The following RBBP8NL variants were observed in gnomAD, a reference collection of about 807,000 sequenced individuals.
The protein encoded by RBBP8NL is RBBP8 N-terminal-like protein.
A neutral mutation model predicts 62.2 loss-of-function variants in RBBP8NL; 59 were observed. The ratio of observed to expected loss-of-function variants is 0.95; its 90% CI spans 0.77 to 1.18. The LOEUF is 1.18. RBBP8NL is among the 50% of genes most tolerant of loss of function. The probability of loss-of-function intolerance (pLI) is 0.00; values close to 1 mark genes in which losing one functional copy is unlikely to be tolerated. For missense variants in RBBP8NL, 896 were observed against 899.5 expected (o/e 1.00, Z 0.05); for synonymous variants, 412 against 394.1 (o/e 1.05, Z -0.54).
intron 2 of RBBP8NL, 140 bp from the exon 3 acceptor site, chr20:62,418,605 C>T: frequency 2.3e-6 from 2 of 867,102 alleles, no homozygotes; most frequent in Non-Finnish European, 3.7e-6. Context: ...CCAGGTGAGC[C>T]CCTGTCTGTG....
chr20:62,412,761 G>A lies in RBBP8NL; in HGVS notation c.1747-8C>T. 6.2e-7 allele frequency: 1 copy of A among 1,612,744 alleles called. No homozygotes were observed. The highest frequency in any genetic ancestry group is 8.5e-7 in the Non-Finnish European group (1 of 1,179,988). On this transcript the variant is annotated splice_polypyrimidine_tract_variant and splice_region_variant and intron_variant, in intron 12 of 13. Coordinates refer to ENST00000252998, the MANE Select transcript of RBBP8NL (RefSeq NM_080833.3). ...CTGGGAGCTCAGGCCCACCTGGGGA[G>A]AAGGGGGTGTGGTCACGAGGAGGAC...
chr20:62,426,577 T>C (rs1988813399), intron 1 of RBBP8NL, among the ~76,000 whole-genome samples: 2 of 152,014 alleles, frequency 1.3e-5, no homozygotes, highest in African/African-American at 4.8e-5. Context: ...GGCCTCAGAG[T>C]CTCCTCCCAC....
rs867955029 is a variant in RBBP8NL, at chr20:62,414,425, G to T, written c.926C>A (p.Ala309Asp). The stretch of plus-strand genomic sequence containing the variant: ...GGGGTCGCTGGGGGCTGCAGCAGGG[G>T]CCAGGGGGCTGCTGTGGGGGCTCTG... ...HLQSPHSSPL[A>D]PAAAPSDPRL... Residue 309 changes from alanine to aspartate, a missense_variant, in exon 10 of 14, where the codon GCC becomes GAC. Coordinates refer to ENST00000252998, the MANE Select transcript of RBBP8NL (RefSeq NM_080833.3). The T allele has an allele frequency of 6.6e-7, 1 of 1,524,926 alleles. No individual in the cohort carries two copies. The allele number at this position is 1,524,926 out of a possible 1,614,324, so 94.5% of individuals were successfully genotyped here.
At chr20:62,412,456 C>T (rs993994657) in intron 13 of RBBP8NL, among the ~76,000 whole-genome samples, 168 bp downstream of exon 13, 3 of 152,226 alleles carry the variant, frequency 2.0e-5, no homozygotes, top group Admixed American at 6.5e-5. Context: ...CGGCCACCCT[C>T]GCCCTCCTCT....
chr20:62,414,201 T>C lies in RBBP8NL; in HGVS notation c.1150A>G (p.Met384Val). The C allele has an allele frequency of 6.2e-7, 1 of 1,608,634 alleles. No individual in the cohort carries two copies. Among genetic ancestry groups the C allele is most frequent in the South Asian group, 1.1e-5 (1 of 90,384 alleles). ...RPRGQPTPGE[M>V]LPSLPVGSDS... ...GAGCCGACTGGTAGGGAGGGCAGCATCTCCCCGGGTGTGGGCTGGCCCCTT... is the reference window on the plus strand; with the variant it reads ...GAGCCGACTGGTAGGGAGGGCAGCACCTCCCCGGGTGTGGGCTGGCCCCTT... The change falls in exon 10 of 14, where the codon ATG becomes GTG. Residue 384 changes from methionine (M) to valine (V), a missense_variant. Physicochemically the swap from Met to Val is conservative, Grantham distance 21 (BLOSUM62 1). Coordinates refer to ENST00000252998, the MANE Select transcript of RBBP8NL (RefSeq NM_080833.3).
chr20:62,418,364 G>A lies in RBBP8NL; in HGVS notation c.104+59C>T. On this transcript the variant is annotated intron_variant, in intron 3 of 13. Transcript: ENST00000252998. ...GTAGTGCTGGCACACTGGGGCTTCAGGGGGATGAAGTGGCCAGTGTGGTCC... is the reference window on the plus strand; with the variant it reads ...GTAGTGCTGGCACACTGGGGCTTCAAGGGGATGAAGTGGCCAGTGTGGTCC... The A allele has an allele frequency of 2.7e-6, 4 of 1,464,084 alleles. No homozygotes were observed. In the South Asian group the frequency reaches 3.6e-5, roughly 13 times the overall value. 90.7% of individuals were successfully genotyped at this position (1,464,084 alleles called of 1,614,324 possible).
intron 4 of RBBP8NL, 55 bp from the exon 5 acceptor site, chr20:62,416,927 C>T: frequency 1.5e-6 from 2 of 1,332,666 alleles, no homozygotes; most frequent in South Asian, 2.5e-5. Flanking sequence ...CCACAGAGGG[C>T]CTGGGACACT....
chr20:62,419,879 C>G lies in RBBP8NL; in HGVS notation c.-83-149G>C, dbSNP rs1027939570. On this transcript the variant is annotated intron_variant, in intron 1 of 13. Coordinates refer to ENST00000252998, the MANE Select transcript of RBBP8NL (RefSeq NM_080833.3). ...ACTCATGGGAGGTGGCCTGGAGGCT[C>G]CCGAACCCCACGGGCAGGCACAGAG... 8 of 552,128 alleles carry G rather than the reference C, an allele frequency of 1.4e-5. 2 individuals are homozygous for G. Among genetic ancestry groups the G allele is most frequent in the Admixed American group, 1.0e-4 (3 of 29,798 alleles). 34.2% of individuals were successfully genotyped at this position (552,128 alleles called of 1,614,324 possible). A position where few individuals can be genotyped will look rare whatever the true frequency, so the allele number is the denominator to read the frequency against.
chr20:62,422,759 G>A (rs527423573), intron 1 of RBBP8NL, among the ~76,000 whole-genome samples: 3 of 152,260 alleles, frequency 2.0e-5, no homozygotes, highest in East Asian at 3.9e-4. Context: ...AAGCATTAGT[G>A]CCGAGCCTGG....
At chr20:62,416,701 G>A (rs936357736) in intron 5 of RBBP8NL, 59 bp downstream of exon 5, 38 of 1,223,836 alleles carry the variant, frequency 3.1e-5, no homozygotes, top group Non-Finnish European at 4.5e-5. Flanking sequence ...GGCTGAACAG[G>A]CCTGGGGTCG....
At position 62,414,079 on chromosome 20, in the gene RBBP8NL, G is replaced by A. The variant is rs374862006; in HGVS notation, c.1272C>T (p.Arg424=). ...TGGCTGCAGCCTCTGTCCTCTGGGC[G>A]CGGCCCGGGCCTGCAGGCTGTGTGT... is the stretch of plus-strand genomic sequence containing the variant. ...GRHTQPAGPG[R]AQRTEAAATQ... Residue 424 remains arginine (R), a synonymous_variant, in exon 10 of 14, where the codon CGC becomes CGT. Transcript: ENST00000252998. 79 of 1,592,946 alleles carry A rather than the reference G, an allele frequency of 5.0e-5. No individual in the cohort carries two copies. Among genetic ancestry groups the A allele is most frequent in the Non-Finnish European group, 6.0e-5 (70 of 1,171,840 alleles).
intron 1 of RBBP8NL, among the ~76,000 whole-genome samples, chr20:62,420,940 G>A (rs150019043): frequency 1.6e-3 from 239 of 152,364 alleles, no homozygotes; most frequent in African/African-American, 4.9e-3. Context: ...AGCACTCATC[G>A]TCAAACCCTC....
In RBBP8NL at chr20:62,413,466, G is replaced by A. The variant is rs747694502; in HGVS notation, c.1610C>T (p.Pro537Leu). ...GSTEDEDTGR[P>L]LPPPHPQPPP... ...CGGCTGTGGGTGGGGAGGTGGCAGA[G>A]GCCTCCCTGTGTCTTCATCTTCTGT... The change falls in exon 11 of 14, where the codon CCT becomes CTT. Residue 537 changes from proline to leucine, a missense_variant. Coordinates refer to ENST00000252998, the MANE Select transcript of RBBP8NL (RefSeq NM_080833.3). 2.0e-6 allele frequency: 3 copies of A among 1,481,668 alleles called. No individual in the cohort carries two copies. The highest frequency in any genetic ancestry group is 2.7e-6 in the Non-Finnish European group (3 of 1,120,800). 91.8% of individuals were successfully genotyped at this position (1,481,668 alleles called of 1,614,324 possible).
At chr20:62,419,350 G>C (rs1171556107) in intron 2 of RBBP8NL, among the ~76,000 whole-genome samples, 1 of 152,196 alleles carries the variant, frequency 6.6e-6, no homozygotes, top group Non-Finnish European at 1.5e-5. Context: ...CACACTCTGG[G>C]AGTGGCTCGA....
At chr20:62,416,698 C>G in intron 5 of RBBP8NL, 62 bp downstream of exon 5, 1 of 1,187,752 alleles carries the variant, frequency 8.4e-7, no homozygotes, top group Non-Finnish European at 1.2e-6. Context: ...ATGGGCTGAA[C>G]AGGCCTGGGG....
Position 62,412,843 on chromosome 20 carries a change from G to A in RBBP8NL, c.1733C>T (p.Thr578Ile). ...GCCTGGACCCACCTCGCTGCCTGGG[G>A]TGTCTGTCTCATCCAGTTCGTCGGA... The part of the protein sequence containing the change: ...PESDELDETD[T>I]PGSEVGLSSQ... Residue 578 changes from threonine (T) to isoleucine (I), a missense_variant, in exon 12 of 14, where the codon ACC becomes ATC. Coordinates refer to ENST00000252998, the MANE Select transcript of RBBP8NL (RefSeq NM_080833.3). 6.2e-7 allele frequency: 1 copy of A among 1,613,532 alleles called. No homozygotes were observed.
Position 62,410,707 on chromosome 20 carries a change from A to G in RBBP8NL, c.*171T>C, listed in dbSNP as rs1569022490. On this transcript the variant is annotated 3_prime_UTR_variant, in exon 14 of 14. Transcript: ENST00000252998. ...GGTGTGCCCTCTCCAGGCTGTGGTG[A>G]GCAGGCAGAGAGCTGCCCTGGGCTC... 3.2e-6 allele frequency: 2 copies of G among 629,690 alleles called. No individual in the cohort carries two copies. The highest frequency in any genetic ancestry group is 2.8e-6 in the Non-Finnish European group (1 of 355,878). 39.0% of individuals were successfully genotyped at this position (629,690 alleles called of 1,614,324 possible).
rs1429246905 is a variant in RBBP8NL at position 62,410,933 on chromosome 20, C to T, written c.1940G>A (p.Arg647Lys). 2 of 1,613,734 alleles carry T rather than the reference C, an allele frequency of 1.2e-6. No individual in the cohort carries two copies. Among genetic ancestry groups the T allele is most frequent in the Non-Finnish European group, 8.5e-7 (1 of 1,179,930 alleles). The change falls in exon 14 of 14, where the codon AGG becomes AAG. Residue 647 changes from arginine to lysine, a missense_variant. Arg to Lys is a conservative substitution (Grantham distance 26). Transcript: ENST00000252998. ...GGAGGGACTGTGGTCCTCGGCGTCC[C>T]TTGGGCTCCCGGGCCCCTCAGTGGC... ...LTATEGPGSPRDAEDHSPSPN... is the reference protein window; with the variant it reads ...LTATEGPGSPKDAEDHSPSPN...
At chr20:62,421,962 G>GC (rs1988710781) in intron 1 of RBBP8NL, among the ~76,000 whole-genome samples, 2 of 152,160 alleles carry the variant, frequency 1.3e-5, no homozygotes, top group South Asian at 4.1e-4. Flanking sequence ...AACCACTGGT[G>GC]CGTCACCTGA....
Sources: gnomAD v4.1 joint callset for allele counts (sites outside exome capture counted in the v4.1 genomes callset) on GRCh38, gnomAD v4.1.1 for gene constraint, MANE v1.5 for transcripts, NCBI Gene and HGNC (gene_info 2026-07-23, HGNC 2026-07-21) for gene names.